Variants in NSD1 observed in about 807,000 individuals in gnomAD.
NSD1 encodes the protein histone-lysine N-methyltransferase, H3 lysine-36 specific.
A neutral mutation model predicts 242.7 loss-of-function variants in NSD1; 26 were observed. That is an observed-to-expected ratio of 0.11 (90% confidence interval 0.08 to 0.15). The LOEUF (loss-of-function observed/expected upper bound fraction) is 0.15. Ranked by LOEUF, NSD1 falls within the 10% of genes least tolerant of loss-of-function variation. The pLI is 1.00. For synonymous variants in NSD1, 1,106 were observed against 1,178.1 expected, an observed-to-expected ratio of 0.94 and a Z score of 1.25; for missense variants, 2,495 against 3,272.8, an observed-to-expected ratio of 0.76 and a Z score of 5.80.
rs1177287343 is a variant in NSD1 at position 177,134,090 on chromosome 5, G to T, written c.-18+138G>T. 3.3e-5 allele frequency: 5 copies of T among 150,988 alleles called. No homozygotes were observed. The East Asian group carries it at 1.0e-3, about 30-fold the overall frequency. 9.4% of individuals were successfully genotyped at this position (150,988 alleles called of 1,614,324 possible). On this transcript the variant is annotated intron_variant, in intron 1 of 22. Transcript: ENST00000439151. The surrounding 1 kb of genome is among the most constrained non-coding windows in gnomAD (Gnocchi z 4.2). ...CAGGCGCGATGCGGGGTTGGTGGCC[G>T]GCGGCGCTGCAGCCGCCGGCCTCCT...
chr5:177,223,339 G>C lies in NSD1; in HGVS notation c.3796+11144G>C, dbSNP rs115565658. Among the ~76,000 whole-genome samples the C allele has an allele frequency of 4.3e-3, 649 of 152,206 alleles. 3 individuals carry two copies. Among genetic ancestry groups the C allele is most frequent in the African/African-American group, 0.014 (593 of 41,532 alleles). On this transcript the variant is annotated intron_variant, in intron 5 of 22. Transcript: ENST00000439151. The stretch of plus-strand genomic sequence containing the variant: ...TTAATCCCAGCACTTTTGGGAGGCT[G>C]ATGCGGGCAGATCACTTGAGGTCAG...
rs537779510 is a variant in NSD1, at chr5:177,214,138, C to G, written c.3796+1943C>G. Among the ~76,000 whole-genome samples, 4 of 152,186 alleles carry G rather than the reference C, an allele frequency of 2.6e-5. No individual in the cohort carries two copies. In the South Asian group the frequency reaches 8.3e-4, roughly 32 times the overall value. On this transcript the variant is annotated intron_variant, in intron 5 of 22. Transcript: ENST00000439151. ...CCTGAGGTCAGGAGTTCAAGACCAG[C>G]CTGGCCAACATGGCAAAACCCCATC...
rs750412386 is a variant in NSD1, at chr5:177,296,852, G to A, written c.*1393G>A. 2 of 233,204 alleles carry A rather than the reference G, an allele frequency of 8.6e-6. No homozygotes were observed. The highest frequency in any genetic ancestry group is 8.5e-6 in the Non-Finnish European group (1 of 118,084). The allele number at this position is 233,204 out of a possible 1,614,324, so 14.4% of individuals were successfully genotyped here. On this transcript the variant is annotated 3_prime_UTR_variant, in exon 23 of 23. Transcript: ENST00000439151. Reference sequence around the variant, plus strand: ...CTGTTTGGCTAGTTTCCTCCCACTTGTCTACCCCTCCTTTGTCCTTAGACC... The same window carrying A: ...CTGTTTGGCTAGTTTCCTCCCACTTATCTACCCCTCCTTTGTCCTTAGACC...
intron 12 of NSD1, among the ~76,000 whole-genome samples, chr5:177,252,536 G>GTTTTTTTTTTTTTTTTTTTTTTTTTTT (rs1362275540): frequency 1.0e-5 from 1 of 98,996 alleles, no homozygotes; most frequent in African/African-American, 4.3e-5. Flanking sequence ...AAAGTAAAGT[G>GTTTTTTTTTTTTTTTTTTTTTTTTTTT]TTCTTTTTTT....
intron 3 of NSD1, among the ~76,000 whole-genome samples, chr5:177,197,061 G>T (rs1029286282): frequency 2.0e-4 from 30 of 151,588 alleles, no homozygotes; most frequent in Non-Finnish European, 4.0e-4. Flanking sequence ...GAGGTCAGGA[G>T]TTGAAAGCCA....
At chr5:177,144,252 T>C (rs939244774) in intron 2 of NSD1, among the ~76,000 whole-genome samples, 1 of 151,982 alleles carries the variant, frequency 6.6e-6, no homozygotes, top group Non-Finnish European at 1.5e-5. Context: ...GACAGGGTCT[T>C]GTACTGTTTC....
chr5:177,194,694 CTTT>C (rs771213970), intron 3 of NSD1, among the ~76,000 whole-genome samples: 2 of 49,032 alleles, frequency 4.1e-5, no homozygotes, highest in African/African-American at 1.9e-4. Flanking sequence ...ATTTTAGTGT[CTTT>C]TTTTTTTTTT....
intron 2 of NSD1, among the ~76,000 whole-genome samples, chr5:177,155,231 C>T (rs1207222780): frequency 7.2e-5 from 11 of 152,086 alleles, no homozygotes; most frequent in Non-Finnish European, 1.3e-4. Context: ...TCAGGGGATC[C>T]GCCCACCTTG....
intron 2 of NSD1, among the ~76,000 whole-genome samples, chr5:177,174,580 C>T (rs370457123): frequency 2.0e-4 from 30 of 151,134 alleles, no homozygotes; most frequent in African/African-American, 6.8e-4. Context: ...TTTTTTGACA[C>T]GGAGTCTTGC....
intron 3 of NSD1, among the ~76,000 whole-genome samples, chr5:177,203,628 G>A (rs1219180899): frequency 6.6e-6 from 1 of 152,154 alleles, no homozygotes; most frequent in East Asian, 1.9e-4. Flanking sequence ...TCTATGAGTA[G>A]CTACACTATA....
At chr5:177,165,207 T>G (rs1759089156) in intron 2 of NSD1, among the ~76,000 whole-genome samples, 1 of 152,248 alleles carries the variant, frequency 6.6e-6, no homozygotes, top group Admixed American at 6.5e-5. Context: ...AGTCTTGTTT[T>G]GTCACCCAGG....
chr5:177,211,235 A>T lies in NSD1; in HGVS notation c.2836A>T (p.Thr946Ser), dbSNP rs1322045716. Residue 946 changes from threonine (T) to serine (S), a missense_variant, in exon 5 of 23, where the codon ACT becomes TCT. Physicochemically the swap from Thr to Ser is moderately conservative, Grantham distance 58 (BLOSUM62 1). Around this residue, in one of 19 missense-constraint regions of NSD1, gnomAD observed 121 missense variants for 167.2 expected, o/e 0.72. Transcript: ENST00000439151. ...YRSPGRGDCS[T>S]NSPVGVSKVL... ...GAGTCCTGGTCGTGGGGACTGTTCT[A>T]CTAATAGTCCTGTAGGAGTCTCTAA... The T allele has an allele frequency of 1.2e-6, 2 of 1,613,978 alleles. No homozygotes were observed. The highest frequency in any genetic ancestry group is 1.7e-6 in the Non-Finnish European group (2 of 1,179,934).
At chr5:177,256,029 G>A (rs892670089) in intron 12 of NSD1, among the ~76,000 whole-genome samples, 3 of 152,106 alleles carry the variant, frequency 2.0e-5, no homozygotes, top group East Asian at 1.9e-4. Flanking sequence ...AATGTATAGC[G>A]AGAATATGTA....
At chr5:177,265,654 G>C in intron 14 of NSD1, 1 of 1,608,540 alleles carries the variant, frequency 6.2e-7, no homozygotes. Flanking sequence ...CCCGGTCCCA[G>C]TTCTTGGCGT....
chr5:177,285,856 G>A (rs1759283071), intron 20 of NSD1, among the ~76,000 whole-genome samples: 1 of 152,150 alleles, frequency 6.6e-6, no homozygotes, highest in Non-Finnish European at 1.5e-5. Context: ...GAATTAGAAT[G>A]ATATTTGTTC....
At chr5:177,278,956 T>A (rs1408258060) in intron 17 of NSD1, among the ~76,000 whole-genome samples, 1 of 152,230 alleles carries the variant, frequency 6.6e-6, no homozygotes, top group Non-Finnish European at 1.5e-5. Context: ...ACAATAACTG[T>A]TTGACCTTCA....
chr5:177,179,806 G>A (rs747153470), intron 2 of NSD1, among the ~76,000 whole-genome samples: 2 of 152,204 alleles, frequency 1.3e-5, no homozygotes, highest in Admixed American at 6.5e-5. Flanking sequence ...ATAAGTTGGT[G>A]TGATATGTGG....
At chr5:177,151,159 C>A (rs978981346) in intron 2 of NSD1, among the ~76,000 whole-genome samples, 2 of 152,170 alleles carry the variant, frequency 1.3e-5, no homozygotes, top group Admixed American at 6.5e-5. Context: ...GGGAGGATCA[C>A]CTGAAGCCAG....
At chr5:177,244,626 T>A (rs1228137760) in intron 9 of NSD1, among the ~76,000 whole-genome samples, 4 of 152,222 alleles carry the variant, frequency 2.6e-5, no homozygotes, top group African/African-American at 9.6e-5. Flanking sequence ...TGTCTTCTTA[T>A]CCACCCCAGG....
Sources: gnomAD v4.1 joint callset for allele counts (sites outside exome capture counted in the v4.1 genomes callset) on GRCh38, gnomAD v4.1.1 for gene constraint, gnomAD v4.1.1 regional missense constraint, Gnocchi (gnomAD v3.1) non-coding constraint, MANE v1.5 for transcripts, NCBI Gene and HGNC (gene_info 2026-07-23, HGNC 2026-07-21) for gene names.